The following TENM3 variants were observed in gnomAD, a reference collection of about 807,000 sequenced individuals.
The protein encoded by TENM3 is teneurin-3.
TENM3 carries 63 observed loss-of-function variants against 255.1 expected under a neutral mutation model. The ratio of observed to expected loss-of-function variants is 0.25; its 90% CI spans 0.20 to 0.30. TENM3 has a LOEUF of 0.30. Ranked by LOEUF, TENM3 falls within the 10% of genes least tolerant of loss-of-function variation. TENM3 has a pLI of 1.00. For synonymous variants in TENM3, 1,306 were observed against 1,322.3 expected, an observed-to-expected ratio of 0.99 and a Z score of 0.27; for missense variants, 2,929 against 3,461.1, an observed-to-expected ratio of 0.85 and a Z score of 3.86.
At chr4:181,510,065 T>C in the TENM3 span, among the ~76,000 whole-genome samples, 1 of 152,368 alleles carries the variant, frequency 6.6e-6, no homozygotes, top group African/African-American at 2.4e-5. Context: ...CTCCTCCATA[T>C]GTGAGTTCAA....
chr4:182,499,872 A>T (rs1436121607), intron 3 of TENM3, among the ~76,000 whole-genome samples: 1 of 152,200 alleles, frequency 6.6e-6, no homozygotes, highest in Non-Finnish European at 1.5e-5. Context: ...TACAGACTAT[A>T]ATAATGCTGT....
the TENM3 span, among the ~76,000 whole-genome samples, chr4:181,968,363 T>C: frequency 6.6e-6 from 1 of 152,166 alleles, no homozygotes; most frequent in African/African-American, 2.4e-5. Context: ...AGAACTGGCA[T>C]TCGGGCCGCG....
the TENM3 span, among the ~76,000 whole-genome samples, chr4:181,695,925 C>CT: frequency 0.067 from 9,634 of 144,724 alleles, 404 homozygotes; most frequent in Middle Eastern, 0.16. Flanking sequence ...AGAGGAAAGA[C>CT]TTTTTTTTTT....
chr4:182,085,628 G>A, the TENM3 span, among the ~76,000 whole-genome samples: 3 of 152,032 alleles, frequency 2.0e-5, no homozygotes, highest in East Asian at 1.9e-4. Flanking sequence ...CAGTGTCTTG[G>A]TATCTGTGCA....
At chr4:181,481,865 A>C in the TENM3 span, among the ~76,000 whole-genome samples, 1 of 152,312 alleles carries the variant, frequency 6.6e-6, no homozygotes, top group South Asian at 2.1e-4. Flanking sequence ...TTAATTTGAC[A>C]TTTAAATTCA....
chr4:181,520,306 G>A, the TENM3 span, among the ~76,000 whole-genome samples: 1 of 152,300 alleles, frequency 6.6e-6, no homozygotes, highest in Middle Eastern at 3.4e-3. Flanking sequence ...AGAAAATGCT[G>A]ATGTGATTCC....
At chr4:181,855,904 G>T in the TENM3 span, among the ~76,000 whole-genome samples, 1 of 149,050 alleles carries the variant, frequency 6.7e-6, no homozygotes, top group African/African-American at 2.5e-5. Flanking sequence ...AAGGAAGAAG[G>T]GAGGAAGAAA....
At chr4:181,660,360 G>A in the TENM3 span, among the ~76,000 whole-genome samples, 1 of 152,000 alleles carries the variant, frequency 6.6e-6, no homozygotes, top group Non-Finnish European at 1.5e-5. Flanking sequence ...TCTATTGACG[G>A]CATTACTGTA....
intron 7 of TENM3, among the ~76,000 whole-genome samples, chr4:182,674,806 G>T (rs910473163): frequency 1.3e-5 from 2 of 152,036 alleles, no homozygotes; most frequent in African/African-American, 4.8e-5. Context: ...GAACTCCTGG[G>T]CTCAAGCAAT....
At chr4:181,955,430 A>G in the TENM3 span, among the ~76,000 whole-genome samples, 4 of 152,236 alleles carry the variant, frequency 2.6e-5, no homozygotes, top group African/African-American at 9.6e-5. Context: ...GGAGAGAATC[A>G]GCCAGGAAAA....
At chr4:181,884,795 C>G in the TENM3 span, among the ~76,000 whole-genome samples, 1 of 152,132 alleles carries the variant, frequency 6.6e-6, no homozygotes, top group Non-Finnish European at 1.5e-5. Flanking sequence ...AAAAGCCCTA[C>G]AATTCAAATC....
chr4:182,367,279 G>C (rs1206287760), intron 3 of TENM3, among the ~76,000 whole-genome samples: 1 of 152,158 alleles, frequency 6.6e-6, no homozygotes, highest in South Asian at 2.1e-4. Context: ...GAGGCCACCC[G>C]ATCTGGAGAG....
chr4:182,566,496 G>A (rs1218531332), intron 3 of TENM3, among the ~76,000 whole-genome samples: 2 of 152,270 alleles, frequency 1.3e-5, no homozygotes, highest in African/African-American at 2.4e-5. Context: ...AGGAAACACC[G>A]TAAGAATGAT....
chr4:182,002,788 A>T, the TENM3 span, among the ~76,000 whole-genome samples: 1 of 152,096 alleles, frequency 6.6e-6, no homozygotes, highest in African/African-American at 2.4e-5. Flanking sequence ...GCTATAGACC[A>T]CCCATTCTTT....
the TENM3 span, among the ~76,000 whole-genome samples, chr4:181,585,081 C>T: frequency 4.6e-5 from 7 of 150,960 alleles, no homozygotes; most frequent in Admixed American, 2.0e-4. Flanking sequence ...ACATATGATG[C>T]GATCACTAAC....
chr4:182,548,878 C>T (rs1272971477), intron 3 of TENM3: 1 of 152,154 alleles, frequency 6.6e-6, no homozygotes, highest in Non-Finnish European at 1.5e-5. Context: ...GCTATGCATC[C>T]CCTCTTCCCA....
chr4:181,821,851 A>T, the TENM3 span, among the ~76,000 whole-genome samples: 1 of 152,136 alleles, frequency 6.6e-6, no homozygotes, highest in Non-Finnish European at 1.5e-5. Flanking sequence ...ATTCATACTC[A>T]GTTAGACAGG....
chr4:181,792,515 G>C, the TENM3 span, among the ~76,000 whole-genome samples: 1 of 151,996 alleles, frequency 6.6e-6, no homozygotes, highest in African/African-American at 2.4e-5. Context: ...GATTGATAGG[G>C]AAAAAAATAC....
chr4:182,125,321 C>T, the TENM3 span, among the ~76,000 whole-genome samples: 11 of 152,328 alleles, frequency 7.2e-5, no homozygotes, highest in Admixed American at 2.6e-4. Context: ...CCTTATTTTA[C>T]TTAATGATGG....
Sources: allele counts gnomAD v4.1 joint callset (sites outside exome capture counted in the v4.1 genomes callset), GRCh38; gene constraint gnomAD v4.1.1; transcripts MANE v1.5; gene names NCBI Gene and HGNC (gene_info 2026-07-23, HGNC 2026-07-21).